The following KCNT1 variants were observed in gnomAD, a reference collection of about 807,000 sequenced individuals.
KCNT1 encodes the protein potassium channel subfamily T member 1.
A neutral mutation model predicts 147.8 loss-of-function variants in KCNT1; 78 were observed. The observed-to-expected ratio is 0.53, with a 90% confidence interval of 0.44 to 0.64. The LOEUF (loss-of-function observed/expected upper bound fraction) is 0.64. Among genes scored for constraint, KCNT1 ranks in the 30% least tolerant of loss-of-function variants. KCNT1 has a pLI of 0.00. For missense variants in KCNT1, 1,419 were observed against 1,750.3 expected (o/e 0.81, Z 3.38); for synonymous variants, 867 against 748.8 (o/e 1.16, Z -2.58).
In KCNT1 at chr9:135,750,137, G is replaced by A; in HGVS notation, c.294G>A (p.Lys98=). ...VEFYVNENTF[K]ERLKLFFIKN... is the part of the protein sequence containing the mutation. ...TCTACGTCAACGAGAACACCTTCAA[G>A]GAGCGGCTCAAGCTGTTCTTCATCA... Residue 98 remains lysine (K), a synonymous_variant, in exon 3 of 31, where the codon AAG becomes AAA. Transcript: ENST00000371757. The A allele has an allele frequency of 6.2e-7, 1 of 1,613,854 alleles. No individual in the cohort carries two copies. Among genetic ancestry groups the A allele is most frequent in the African/African-American group, 1.3e-5 (1 of 75,020 alleles).
chr9:135,772,270 C>T (rs1170148955), intron 18 of KCNT1, among the ~76,000 whole-genome samples: 2 of 152,208 alleles, frequency 1.3e-5, no homozygotes, highest in Non-Finnish European at 2.9e-5. Context: ...GGTCCACAAC[C>T]CCCATCTGGC....
intron 19 of KCNT1, among the ~76,000 whole-genome samples, chr9:135,774,191 CTGAG>C (rs774696815): frequency 7.2e-6 from 1 of 138,772 alleles, no homozygotes; most frequent in Non-Finnish European, 1.6e-5. Flanking sequence ...TGATGTGTGT[CTGAG>C]TGGTATTGTG....
chr9:135,791,511 C>G, intron 29 of KCNT1: 1 of 450,344 alleles, frequency 2.2e-6, no homozygotes, highest in South Asian at 2.4e-5. Flanking sequence ...TGCCTCTGCT[C>G]AGGGCCACCC....
chr9:135,759,589 T>C (rs1588330390), intron 10 of KCNT1, 90 bp from the exon 11 acceptor site: 12 of 1,407,474 alleles, frequency 8.5e-6, no homozygotes, highest in Non-Finnish European at 8.6e-6. Context: ...TCCTGGGCAG[T>C]GAGGGTCCCG....
At chr9:135,715,373 G>A (rs1056952097) in intron 2 of KCNT1, among the ~76,000 whole-genome samples, 1 of 152,220 alleles carries the variant, frequency 6.6e-6, no homozygotes, top group Non-Finnish European at 1.5e-5. Flanking sequence ...TAGCTGTCTT[G>A]GGTAAACACC....
At position 135,775,080 on chromosome 9, in the gene KCNT1, G is replaced by A. The variant is rs138849955; in HGVS notation, c.2244-230G>A. On this transcript the variant is annotated intron_variant, in intron 19 of 30. Transcript: ENST00000371757. ...GACACACTGGGTCCTGGGTGCCAAG[G>A]CTAGGCAGGCCCTATGACACGGTGA... 4.3e-3 allele frequency among the ~76,000 whole-genome samples: 655 copies of A among 152,314 alleles called. 2 individuals are homozygous for A. The highest frequency in any genetic ancestry group is 0.01 in the Middle Eastern group (3 of 294).
chr9:135,758,939 T>A (rs1020837777), intron 10 of KCNT1, among the ~76,000 whole-genome samples: 12 of 152,200 alleles, frequency 7.9e-5, no homozygotes, highest in Non-Finnish European at 1.5e-4. Flanking sequence ...GCCTGTGTCC[T>A]CGTGGAGGGC....
chr9:135,767,709 C>T (rs1002432633), intron 13 of KCNT1, among the ~76,000 whole-genome samples: 1 of 152,144 alleles, frequency 6.6e-6, no homozygotes, highest in Non-Finnish European at 1.5e-5. Context: ...GGACCCCTAG[C>T]CCCTGACGCC....
intron 1 of KCNT1, among the ~76,000 whole-genome samples, chr9:135,708,313 A>C (rs572239217): frequency 6.6e-6 from 1 of 152,210 alleles, no homozygotes; most frequent in Non-Finnish European, 1.5e-5. Context: ...ATGCAATCCC[A>C]TCCACACATG....
chr9:135,713,346 C>A (rs508625), intron 1 of KCNT1, among the ~76,000 whole-genome samples: 49,357 of 152,192 alleles, frequency 0.32, 8,379 homozygotes, highest in East Asian at 0.52. Context: ...GGGGTTGAAC[C>A]TGTGACCTCA....
chr9:135,740,667 G>A lies in KCNT1; in HGVS notation c.255-9431G>A, dbSNP rs151292291. Reference sequence around the variant, plus strand: ...GCTGAGACCCTCTCCTGGGAGGGAGGTGACGGCTTCGGGTGCAGGTTCTGT... The same window carrying A: ...GCTGAGACCCTCTCCTGGGAGGGAGATGACGGCTTCGGGTGCAGGTTCTGT... On this transcript the variant is annotated intron_variant, in intron 2 of 30. Coordinates refer to ENST00000371757, the MANE Select transcript of KCNT1 (RefSeq NM_020822.3). Among the ~76,000 whole-genome samples the A allele has an allele frequency of 2.7e-3, 414 of 152,364 alleles. 2 individuals are homozygous for A. Among genetic ancestry groups the A allele is most frequent in the Non-Finnish European group, 4.4e-3 (301 of 68,032 alleles).
At chr9:135,777,721 C>T (rs1189310481) in intron 21 of KCNT1, among the ~76,000 whole-genome samples, 1 of 148,784 alleles carries the variant, frequency 6.7e-6, no homozygotes, top group African/African-American at 2.6e-5. Flanking sequence ...CCCACTCCTG[C>T]TCCCAGCTCC....
chr9:135,714,726 G>C lies in KCNT1; in HGVS notation c.254+6G>C, dbSNP rs923032212. On this transcript the variant is annotated splice_donor_region_variant and intron_variant, in intron 2 of 30. Transcript: ENST00000371757. The surrounding 1 kb of genome is among the most constrained non-coding windows in gnomAD (Gnocchi z 6.2). ...TCCTTCCAGAACGACGACAGGTAGGGACCGGGCGCGGGGTGGGGGCTGGGG... is the reference window on the plus strand; with the variant it reads ...TCCTTCCAGAACGACGACAGGTAGGCACCGGGCGCGGGGTGGGGGCTGGGG... The C allele has an allele frequency of 2.2e-6, 3 of 1,381,298 alleles. No individual in the cohort carries two copies. Among genetic ancestry groups the C allele is most frequent in the African/African-American group, 3.4e-5 (2 of 59,324 alleles). 85.6% of individuals were successfully genotyped at this position (1,381,298 alleles called of 1,614,324 possible). A position where few individuals can be genotyped will look rare whatever the true frequency, so the allele number is the denominator to read the frequency against.
At chr9:135,740,191 G>A (rs1373685300) in intron 2 of KCNT1, among the ~76,000 whole-genome samples, 8 of 152,268 alleles carry the variant, frequency 5.3e-5, no homozygotes, top group East Asian at 1.9e-4. Context: ...ACATAGCCAC[G>A]TGCTGAGATA....
rs1358334317 is a variant in KCNT1 at position 135,778,430 on chromosome 9, C to G, written c.2529C>G (p.Asp843Glu). 1 of 1,551,118 alleles carries G rather than the reference C, an allele frequency of 6.4e-7. No individual in the cohort carries two copies. The highest frequency in any genetic ancestry group is 1.4e-5 in the African/African-American group (1 of 73,050). ...AGGACCGCTGTCCCCACAGGCCCGA[C>G]CACCACTTCCTGGAAGCCATCTGCT... ...PIVLLLDNKPDHHFLEAICCF... is the reference protein window; with the variant it reads ...PIVLLLDNKPEHHFLEAICCF... The change falls in exon 22 of 31, where the codon GAC becomes GAG. Residue 843 changes from aspartate (D) to glutamate (E), a missense_variant. By Grantham distance (45) the Asp-to-Glu change is conservative (BLOSUM62 2). Around this residue, in one of 5 missense-constraint regions of KCNT1, gnomAD observed 247 missense variants for 397.1 expected, o/e 0.62. Transcript: ENST00000371757.
In KCNT1 at chr9:135,751,841, C is replaced by G. The variant is rs188381668; in HGVS notation, c.434+800C>G. Among the ~76,000 whole-genome samples the G allele has an allele frequency of 3.0e-3, 451 of 152,300 alleles. 2 individuals are homozygous for G. The highest frequency in any genetic ancestry group is 0.01 in the African/African-American group (416 of 41,566). On this transcript the variant is annotated intron_variant, in intron 4 of 30. Transcript: ENST00000371757. ...CTCCCTGGCACTCGGATGCTGTGCTCTGTGTCCTGTTTCTTCTCTCCCCTC... is the reference window on the plus strand; with the variant it reads ...CTCCCTGGCACTCGGATGCTGTGCTGTGTGTCCTGTTTCTTCTCTCCCCTC...
chr9:135,757,198 G>A lies in KCNT1; in HGVS notation c.643G>A (p.Glu215Lys), dbSNP rs1209398053. 6.2e-7 allele frequency: 1 copy of A among 1,611,138 alleles called. No homozygotes were observed. The highest frequency in any genetic ancestry group is 1.7e-5 in the Admixed American group (1 of 59,804). ...EQIFRVSFVL[E>K]MINTLPFIIT... ...GATCTTCCGCGTGTCCTTCGTCCTGGAGATGATCAACACTCTGCCCTTCAT... is the reference window on the plus strand; with the variant it reads ...GATCTTCCGCGTGTCCTTCGTCCTGAAGATGATCAACACTCTGCCCTTCAT... Residue 215 changes from glutamate (E) to lysine (K), a missense_variant, in exon 8 of 31, where the codon GAG (glutamate) becomes AAG (lysine). By Grantham distance (56) the Glu-to-Lys change is moderately conservative. Transcript: ENST00000371757.
At chr9:135,779,539 G>T in intron 24 of KCNT1, 69 bp downstream of exon 24, 2 of 1,183,568 alleles carry the variant, frequency 1.7e-6, no homozygotes, top group Non-Finnish European at 2.5e-6. Context: ...AGGGGCTCAG[G>T]GGAAAGGGGG....
At chr9:135,741,694 G>A (rs929999769) in intron 2 of KCNT1, among the ~76,000 whole-genome samples, 27 of 152,358 alleles carry the variant, frequency 1.8e-4, no homozygotes, top group Admixed American at 1.4e-3. Flanking sequence ...CTGCCCACCC[G>A]GAGAGCCTGG....
Sources: allele counts gnomAD v4.1 joint callset (sites outside exome capture counted in the v4.1 genomes callset), GRCh38; gene constraint gnomAD v4.1.1; regional missense constraint gnomAD v4.1.1; non-coding constraint Gnocchi (gnomAD v3.1); transcripts MANE v1.5; gene names NCBI Gene and HGNC (gene_info 2026-07-23, HGNC 2026-07-21).